OXSR1: variants seen among roughly 807,000 people sequenced by gnomAD.
OXSR1 encodes serine/threonine-protein kinase OSR1.
Under a neutral mutation model 79.8 loss-of-function variants are expected in OXSR1, and 24 were observed. The observed-to-expected ratio is 0.30, with a 90% CI of 0.22 to 0.42. The LOEUF (loss-of-function observed/expected upper bound fraction) is 0.42. Ranked by LOEUF, OXSR1 falls within the 10% of genes least tolerant of loss-of-function variation. The pLI, the probability that OXSR1 is intolerant of heterozygous loss-of-function variation, is 1.00. For missense variants in OXSR1, 430 were observed against 618.4 expected (o/e 0.70, Z 3.23); for synonymous variants, 226 against 209.2 (o/e 1.08, Z -0.69).
intron 1 of OXSR1, among the ~76,000 whole-genome samples, chr3:38,173,878 G>A (rs899895897): frequency 1.6e-4 from 24 of 152,210 alleles, no homozygotes; most frequent in Non-Finnish European, 1.9e-4. Flanking sequence ...GCAGGGAAAG[G>A]GGTTAGGGAC....
chr3:38,247,793 A>G lies in OXSR1; in HGVS notation c.1322+61A>G. 3.7e-6 allele frequency: 4 copies of G among 1,066,694 alleles called. No homozygotes were observed. The South Asian group carries it at 5.3e-5, about 14-fold the overall frequency. The allele number at this position is 1,066,694 out of a possible 1,614,324, so 66.1% of individuals were successfully genotyped here. On this transcript the variant is annotated intron_variant, in intron 14 of 17. Transcript: ENST00000311806. ...TTCTGAATATTCTGCATGTGCTGTA[A>G]TAGTCTGTGCCTGAGAGTAACTGGA...
Position 38,230,960 on chromosome 3 carries a change from T to C in OXSR1, c.951+530T>C, listed in dbSNP as rs568961736. Among the ~76,000 whole-genome samples, 25 of 152,318 alleles carry C rather than the reference T, an allele frequency of 1.6e-4. No homozygotes were observed. The East Asian group carries it at 3.7e-3, about 22-fold the overall frequency. On this transcript the variant is annotated intron_variant, in intron 10 of 17. Coordinates refer to ENST00000311806, the MANE Select transcript of OXSR1 (RefSeq NM_005109.3). ...AGAGCAGGGAGAAGAAAATCCTCCC[T>C]TTTCCTCACTCTTACTTCTCTGCTC... is the stretch of plus-strand genomic sequence containing the variant.
At position 38,253,009 on chromosome 3, in the gene OXSR1, CT is replaced by C; in HGVS notation, c.*121del. Reference sequence around the variant, plus strand: ...CAGCAACAAACCTCCCGGCTAGGAGCTTTAGAAGTCTTTATGTTCTTCCTGC... The same window carrying C: ...CAGCAACAAACCTCCCGGCTAGGAGCTTAGAAGTCTTTATGTTCTTCCTGC... On this transcript the variant is annotated 3_prime_UTR_variant, in exon 18 of 18. Transcript: ENST00000311806. 2.8e-6 allele frequency: 2 copies of C among 710,866 alleles called. No individual in the cohort carries two copies. Among genetic ancestry groups the C allele is most frequent in the Non-Finnish European group, 4.9e-6 (2 of 411,590 alleles). The allele number at this position is 710,866 out of a possible 1,614,324, so 44.0% of individuals were successfully genotyped here.
chr3:38,173,600 A>T (rs771804491), intron 1 of OXSR1, among the ~76,000 whole-genome samples: 1 of 152,262 alleles, frequency 6.6e-6, no homozygotes. Flanking sequence ...CACAGAATGG[A>T]TGCTCAGTGA....
Position 38,219,814 on chromosome 3 carries a change from A to ATGG in OXSR1, c.491-1762_491-1761insGTG, listed in dbSNP as rs1383794058. 8.0e-5 allele frequency among the ~76,000 whole-genome samples: 12 copies of ATGG among 150,432 alleles called. No homozygotes were observed. In the South Asian group the frequency reaches 8.3e-4, roughly 10 times the overall value. On this transcript the variant is annotated intron_variant, in intron 5 of 17. Transcript: ENST00000311806. ...GATGATGATGATGATGATGATGATG[A>ATGG]TGATGATTTTAGAGAAAGCGTCTTG...
At chr3:38,169,969 C>CG (rs1489525035) in intron 1 of OXSR1, among the ~76,000 whole-genome samples, 1 of 151,570 alleles carries the variant, frequency 6.6e-6, no homozygotes, top group African/African-American at 2.4e-5. Flanking sequence ...ATCGCTCAAG[C>CG]GATCTGCCTG....
At chr3:38,229,610 T>C in intron 8 of OXSR1, 77 bp from the exon 9 acceptor site, 1 of 1,290,242 alleles carries the variant, frequency 7.8e-7, no homozygotes, top group South Asian at 1.3e-5. Context: ...AAATTTTTTC[T>C]CATTTTTGAT....
chr3:38,215,559 T>G (rs1702467040), intron 4 of OXSR1, among the ~76,000 whole-genome samples: 2 of 152,170 alleles, frequency 1.3e-5, no homozygotes, highest in Non-Finnish European at 2.9e-5. Flanking sequence ...GTTGAAAACT[T>G]TGGAGAGAGT....
chr3:38,171,381 C>G (rs1205938773), intron 1 of OXSR1, among the ~76,000 whole-genome samples: 1 of 152,022 alleles, frequency 6.6e-6, no homozygotes, highest in African/African-American at 2.4e-5. Context: ...TGATTAAAAT[C>G]TAGAAAAAAG....
intron 1 of OXSR1, among the ~76,000 whole-genome samples, chr3:38,170,917 C>T (rs1701568515): frequency 6.6e-6 from 1 of 152,164 alleles, no homozygotes; most frequent in Non-Finnish European, 1.5e-5. Context: ...AGCTGGACTA[C>T]AGGCATGTGC....
upstream of OXSR1, chr3:38,165,117 C>G (rs1449991766): frequency 6.6e-6 from 1 of 152,298 alleles, no homozygotes; most frequent in African/African-American, 2.4e-5. Flanking sequence ...CACGGAGAAG[C>G]GCGCTAAGAG....
At chr3:38,191,187 A>AG (rs1464625063) in intron 3 of OXSR1, among the ~76,000 whole-genome samples, 1 of 152,096 alleles carries the variant, frequency 6.6e-6, no homozygotes. Context: ...CTGAGACTAC[A>AG]GGCATGTACC....
At chr3:38,216,390 C>T (rs11927751) in intron 5 of OXSR1, among the ~76,000 whole-genome samples, 5,428 of 152,150 alleles carry the variant, frequency 0.036, 108 homozygotes, top group Middle Eastern at 0.13. Context: ...GCTATCCACT[C>T]CTTACTTCCA....
intron 4 of OXSR1, among the ~76,000 whole-genome samples, chr3:38,215,837 C>T (rs377493561): frequency 2.0e-5 from 3 of 152,000 alleles, no homozygotes; most frequent in South Asian, 2.1e-4. Context: ...ATTCTTTGGC[C>T]ACTTTTATCC....
intron 12 of OXSR1, 92 bp from the exon 13 acceptor site, chr3:38,245,969 CAAAAACTACTTTGA>C (rs1471514251): frequency 2.0e-6 from 2 of 995,840 alleles, no homozygotes; most frequent in Non-Finnish European, 3.1e-6. Flanking sequence ...GTACACTACC[CAAAAACTACTTTGA>C]AAATATCACC....
chr3:38,233,989 T>A (rs1702867010), intron 10 of OXSR1, among the ~76,000 whole-genome samples: 1 of 152,100 alleles, frequency 6.6e-6, no homozygotes, highest in African/African-American at 2.4e-5. Context: ...GCCATGACAA[T>A]TCAGTGAAGA....
rs536564959 is a variant in OXSR1, at chr3:38,252,966, C to G, written c.*75C>G. 63 of 1,203,866 alleles carry G rather than the reference C, an allele frequency of 5.2e-5. No homozygotes were observed. The highest frequency in any genetic ancestry group is 7.4e-5 in the Non-Finnish European group (60 of 812,640). The allele number at this position is 1,203,866 out of a possible 1,614,324, so 74.6% of individuals were successfully genotyped here. On this transcript the variant is annotated 3_prime_UTR_variant, in exon 18 of 18. Transcript: ENST00000311806. ...TCTGTTGCTTCTATTGGCCTAAACC[C>G]ACTACTGCCAAAGAACCCAGCAACA...
intron 1 of OXSR1, among the ~76,000 whole-genome samples, chr3:38,175,677 T>A (rs973400190): frequency 3.3e-5 from 5 of 152,256 alleles, no homozygotes; most frequent in African/African-American, 4.8e-5. Context: ...CTGCTCATGC[T>A]TGGGCAGATC....
chr3:38,253,033 T>G lies in OXSR1; in HGVS notation c.*142T>G. 1 of 637,142 alleles carries G rather than the reference T, an allele frequency of 1.6e-6. No homozygotes were observed. The highest frequency in any genetic ancestry group is 2.8e-6 in the Non-Finnish European group (1 of 362,164). The allele number at this position is 637,142 out of a possible 1,614,324, so 39.5% of individuals were successfully genotyped here. On this transcript the variant is annotated 3_prime_UTR_variant, in exon 18 of 18. Coordinates refer to ENST00000311806, the MANE Select transcript of OXSR1 (RefSeq NM_005109.3). ...GCTTTAGAAGTCTTTATGTTCTTCC[T>G]GCCATCATTCCTCCTTTTCCCACAG...
Sources: allele counts gnomAD v4.1 joint callset (sites outside exome capture counted in the v4.1 genomes callset), GRCh38; gene constraint gnomAD v4.1.1; transcripts MANE v1.5; gene names NCBI Gene and HGNC (gene_info 2026-07-23, HGNC 2026-07-21).